The following HSPA12A variants were observed in gnomAD, a reference collection of about 807,000 sequenced individuals.
The protein encoded by HSPA12A is heat shock protein family A (Hsp70) member 12A.
In HSPA12A, 28 loss-of-function variants were observed where a neutral mutation model predicts 69.2. The ratio of observed to expected loss-of-function variants is 0.40; its 90% CI spans 0.30 to 0.55. HSPA12A has a LOEUF of 0.55. Among genes scored for constraint, HSPA12A ranks in the 20% least tolerant of loss-of-function variants. HSPA12A has a pLI of 0.38. For missense variants in HSPA12A, 686 were observed against 900.7 expected, an observed-to-expected ratio of 0.76 and a Z score of 3.05; for synonymous variants, 345 against 370.5, an observed-to-expected ratio of 0.93 and a Z score of 0.79.
rs1849762536 is a variant in HSPA12A, at chr10:116,692,372, G to A, written c.642C>T (p.Phe214=). Residue 214 remains phenylalanine, a synonymous_variant, in exon 6 of 12, where the codon TTC becomes TTT. Transcript: ENST00000369209. ...PAIWKQPAKQ[F]MRQAAYQAGL... The stretch of plus-strand genomic sequence containing the variant: ...TCACCTGGTAGGCAGCTTGTCTCAT[G>A]AACTGCTTGGCCGGCTGCTTCCAGA... 9.3e-6 allele frequency: 15 copies of A among 1,613,936 alleles called. No individual in the cohort carries two copies. Among genetic ancestry groups the A allele is most frequent in the Non-Finnish European group, 9.3e-6 (11 of 1,179,952 alleles).
chr10:116,753,113 G>T (rs1489292271), intron 2 of HSPA12A, among the ~76,000 whole-genome samples: 1 of 152,248 alleles, frequency 6.6e-6, no homozygotes, highest in Non-Finnish European at 1.5e-5. Context: ...AGTACAATCT[G>T]GTGGTCAGCG....
intron 2 of HSPA12A, among the ~76,000 whole-genome samples, chr10:116,780,188 G>C (rs1201370664): frequency 6.6e-6 from 1 of 152,166 alleles, no homozygotes; most frequent in Non-Finnish European, 1.5e-5. Context: ...CATACCTGGA[G>C]CTAGTCTAAG....
chr10:116,770,222 G>A (rs1241526226), intron 2 of HSPA12A, among the ~76,000 whole-genome samples: 1 of 152,200 alleles, frequency 6.6e-6, no homozygotes, highest in Non-Finnish European at 1.5e-5. Flanking sequence ...AAACAGGGCA[G>A]GGGTCTCTGG....
intron 1 of HSPA12A, among the ~76,000 whole-genome samples, chr10:116,741,003 C>T (rs1851487142): frequency 1.4e-5 from 2 of 138,536 alleles, no homozygotes; most frequent in East Asian, 2.3e-4. Flanking sequence ...AATCCAGTTG[C>T]TGAGTGATGT....
At chr10:116,839,752 A>G (rs535850716) in intron 1 of HSPA12A, among the ~76,000 whole-genome samples, 10 of 152,186 alleles carry the variant, frequency 6.6e-5, no homozygotes, top group Non-Finnish European at 1.3e-4. Context: ...CATAGCAATC[A>G]TATGATCATA....
intron 10 of HSPA12A, among the ~76,000 whole-genome samples, 177 bp downstream of exon 10, chr10:116,679,323 AATT>A (rs1422058303): frequency 1.3e-5 from 2 of 152,226 alleles, no homozygotes. Context: ...AGTTACATAG[AATT>A]ATTATCCCCA....
intron 2 of HSPA12A, among the ~76,000 whole-genome samples, chr10:116,787,527 A>G (rs1025656476): frequency 6.6e-6 from 1 of 151,780 alleles, no homozygotes; most frequent in Non-Finnish European, 1.5e-5. Context: ...TGCAAACGAG[A>G]AACTGAGTGG....
intron 1 of HSPA12A, among the ~76,000 whole-genome samples, chr10:116,720,517 A>C (rs1224782793): frequency 3.9e-5 from 6 of 152,196 alleles, no homozygotes; most frequent in African/African-American, 1.4e-4. Flanking sequence ...GTCAGAGTAG[A>C]ATGGCCCCAC....
exon 1 of HSPA12A, chr10:116,849,727 AC>A: frequency 6.6e-7 from 1 of 1,519,766 alleles, no homozygotes; most frequent in Non-Finnish European, 8.8e-7. Context: ...GTCTACGGGC[AC>A]CTGGTAGGGA....
At chr10:116,737,152 A>G (rs1433831646) in intron 1 of HSPA12A, among the ~76,000 whole-genome samples, 2 of 152,218 alleles carry the variant, frequency 1.3e-5, no homozygotes, top group African/African-American at 4.8e-5. Context: ...TGCCAGGGTC[A>G]CAGAGCAGGT....
chr10:116,778,505 A>T (rs1554891394), intron 2 of HSPA12A, among the ~76,000 whole-genome samples: 1 of 152,114 alleles, frequency 6.6e-6, no homozygotes, highest in Admixed American at 6.5e-5. Context: ...CTCCTGAAGG[A>T]GCTCAGGCTC....
chr10:116,734,475 C>T (rs1554886232), intron 1 of HSPA12A, among the ~76,000 whole-genome samples: 1 of 150,524 alleles, frequency 6.6e-6, no homozygotes, highest in South Asian at 2.1e-4. Flanking sequence ...AAAGCAAAAC[C>T]CATCCAGGGT....
intron 2 of HSPA12A, among the ~76,000 whole-genome samples, chr10:116,795,683 CAAAAAAAA>C (rs146305919): frequency 8.2e-6 from 1 of 122,668 alleles, no homozygotes; most frequent in Non-Finnish European, 1.7e-5. Flanking sequence ...GATTCTGTCT[CAAAAAAAA>C]AAAAAAAAAA....
chr10:116,707,191 AC>A lies in HSPA12A; in HGVS notation c.126+8del, dbSNP rs1850283344. ...CACACACACACACACACACACACAC[AC>A]TTCTTACCACAATATGGGAGGGGGA... On this transcript the variant is annotated splice_region_variant and intron_variant, in intron 2 of 11. Transcript: ENST00000369209. 1 of 1,570,764 alleles carries A rather than the reference AC, an allele frequency of 6.4e-7. No homozygotes were observed. The highest frequency in any genetic ancestry group is 8.7e-7 in the Non-Finnish European group (1 of 1,150,742).
At chr10:116,768,291 T>TG in intron 2 of HSPA12A, among the ~76,000 whole-genome samples, 1 of 152,312 alleles carries the variant, frequency 6.6e-6, no homozygotes, top group South Asian at 2.1e-4. Context: ...ATGAAATGCC[T>TG]GGAGTAGGCA....
chr10:116,743,583 C>T (rs1313480752), upstream of HSPA12A, among the ~76,000 whole-genome samples: 1 of 152,224 alleles, frequency 6.6e-6, no homozygotes, highest in African/African-American at 2.4e-5. Context: ...GGGATTCCCA[C>T]CCAGCTGTAA....
chr10:116,684,203 C>T (rs1217680398), intron 6 of HSPA12A, among the ~76,000 whole-genome samples: 1 of 152,152 alleles, frequency 6.6e-6, no homozygotes, highest in Admixed American at 6.5e-5. Context: ...GGGAAAACAC[C>T]AGGTGCTCTG....
chr10:116,841,432 A>G (rs1845798993), intron 1 of HSPA12A, among the ~76,000 whole-genome samples: 1 of 152,222 alleles, frequency 6.6e-6, no homozygotes, highest in Non-Finnish European at 1.5e-5. Context: ...TGTTGAATGC[A>G]CAATCACAAA....
chr10:116,732,328 C>CAAAGAAAGAAAG (rs3034012), intron 1 of HSPA12A, among the ~76,000 whole-genome samples: 2,393 of 124,148 alleles, frequency 0.019, 213 homozygotes, highest in East Asian at 0.037. Flanking sequence ...TCAAAAAAAA[C>CAAAGAAAGAAAG]AAAGAAAGAA....
Sources: gnomAD v4.1 joint callset for allele counts (sites outside exome capture counted in the v4.1 genomes callset) on GRCh38, gnomAD v4.1.1 for gene constraint, MANE v1.5 for transcripts, NCBI Gene and HGNC (gene_info 2026-07-23, HGNC 2026-07-21) for gene names.